TRIM49C: variants seen among roughly 807,000 people sequenced by gnomAD.
The protein encoded by TRIM49C is tripartite motif-containing protein 49C.
In TRIM49C, 6 loss-of-function variants were observed where a neutral mutation model predicts 21.4. The observed-to-expected ratio is 0.28, with a 90% CI of 0.15 to 0.55. TRIM49C has a LOEUF of 0.55. Among genes scored for constraint, TRIM49C ranks in the 20% least tolerant of loss-of-function variants. The pLI, the probability that TRIM49C is intolerant of heterozygous loss-of-function variation, is 0.94. For synonymous variants in TRIM49C, 57 were observed against 148.1 expected, an observed-to-expected ratio of 0.38 and a Z score of 4.47; for missense variants, 161 against 442.4, an observed-to-expected ratio of 0.36 and a Z score of 5.71.
rs540451668 is a variant in TRIM49C, at chr11:90,035,633, G to A, written c.411+11G>A. On this transcript the variant is annotated intron_variant, in intron 3 of 7. Transcript: ENST00000448984. ...GCTGAGGAACACCGGGTAAGTGATG[G>A]CTCTGAAGATCGATTTCTGTAAAGG... The A allele has an allele frequency of 2.2e-6, 3 of 1,355,270 alleles. 1 individual carries two copies. Among genetic ancestry groups the A allele is most frequent in the East Asian group, 2.6e-5 (1 of 38,756 alleles). The allele number at this position is 1,355,270 out of a possible 1,614,324, so 84.0% of individuals were successfully genotyped here.
chr11:90,063,112 C>A, the TRIM49C span: 1 of 677,034 alleles, frequency 1.5e-6, no homozygotes, highest in Non-Finnish European at 2.3e-6. Context: ...TGAGCTCTGT[C>A]CAACATGTCG....
chr11:90,047,478 ATAGT>A, the TRIM49C span, among the ~76,000 whole-genome samples: 3 of 113,856 alleles, frequency 2.6e-5, 1 homozygote, highest in East Asian at 5.5e-4. Flanking sequence ...TATATTTAAG[ATAGT>A]TAGCTCCTCT....
At chr11:90,069,889 A>T in the TRIM49C span, among the ~76,000 whole-genome samples, 1 of 106,342 alleles carries the variant, frequency 9.4e-6, no homozygotes, top group African/African-American at 3.8e-5. Context: ...AAGCTTCATT[A>T]CTTGTTTCTC....
rs1215478754 is a variant in TRIM49C at position 90,033,589 on chromosome 11, C to A, written c.-5+1007C>A. 1.5e-5 allele frequency among the ~76,000 whole-genome samples: 2 copies of A among 130,262 alleles called. 1 individual carries two copies. Among genetic ancestry groups the A allele is most frequent in the Non-Finnish European group, 3.3e-5 (2 of 61,002 alleles). The allele number at this position is 130,262 out of a possible 152,430, so 85.5% of individuals were successfully genotyped here. Reference sequence around the variant, plus strand: ...TAGGAACAATAGGCTATAGTGTATACCATAGGTGTAGTAGGCTATACCATC... The same window carrying A: ...TAGGAACAATAGGCTATAGTGTATAACATAGGTGTAGTAGGCTATACCATC... On this transcript the variant is annotated intron_variant, in intron 2 of 7. Transcript: ENST00000448984.
chr11:90,031,995 T>A (rs144176642), intron 1 of TRIM49C, among the ~76,000 whole-genome samples: 7,570 of 134,456 alleles, frequency 0.056, 1,149 homozygotes, highest in African/African-American at 0.19. Context: ...ATTAGCCAGG[T>A]GATATAGTGT....
the TRIM49C span, among the ~76,000 whole-genome samples, chr11:90,048,025 T>C: frequency 9.1e-6 from 1 of 110,462 alleles, no homozygotes; most frequent in Non-Finnish European, 1.8e-5. Flanking sequence ...CCTTCACTTA[T>C]GAAGCTTAGT....
chr11:90,031,177 G>A lies in TRIM49C; in HGVS notation c.-258G>A, dbSNP rs1424044246. 4 of 133,720 alleles carry A rather than the reference G, an allele frequency of 3.0e-5. 1 individual carries two copies. Among genetic ancestry groups the A allele is most frequent in the Middle Eastern group, 3.7e-3 (1 of 270 alleles). 8.3% of individuals were successfully genotyped at this position (133,720 alleles called of 1,614,324 possible). The stretch of plus-strand genomic sequence containing the variant: ...TCATGACCACTGGGATCCAGCCAGC[G>A]GGGGATTTCTTTTCCTGGTGGACTG... On this transcript the variant is annotated 5_prime_UTR_variant, in exon 1 of 8. Coordinates refer to ENST00000448984, the MANE Select transcript of TRIM49C (RefSeq NM_001195234.1).
chr11:90,031,643 A>T (rs1248487413), intron 1 of TRIM49C, among the ~76,000 whole-genome samples: 2 of 151,836 alleles, frequency 1.3e-5, no homozygotes, highest in African/African-American at 4.8e-5. Flanking sequence ...TATATGGAGA[A>T]AAACGTTAAA....
chr11:90,042,103 C>T (rs1346278493), downstream of TRIM49C: 1 of 133,618 alleles, frequency 7.5e-6, no homozygotes, highest in Non-Finnish European at 1.6e-5. Context: ...TTAGTGTGCT[C>T]GTCTACATTG....
intron 1 of TRIM49C, among the ~76,000 whole-genome samples, chr11:90,031,452 T>A (rs1950687233): frequency 7.3e-6 from 1 of 136,442 alleles, no homozygotes; most frequent in African/African-American, 2.6e-5. Flanking sequence ...TTCTGAAATC[T>A]CTTTTTTAAA....
the TRIM49C span, among the ~76,000 whole-genome samples, chr11:90,056,462 C>G: frequency 3.1e-5 from 3 of 97,552 alleles, no homozygotes; most frequent in African/African-American, 1.1e-4. Flanking sequence ...AAACCTAAGA[C>G]AATTGAAATC....
chr11:90,039,272 G>C (rs2388908), intron 6 of TRIM49C, among the ~76,000 whole-genome samples: 1 of 118,726 alleles, frequency 8.4e-6, no homozygotes, highest in Non-Finnish European at 1.7e-5. Flanking sequence ...TAAGAGTTTT[G>C]TTTTGTGAAT....
At chr11:90,065,629 C>A in the TRIM49C span, among the ~76,000 whole-genome samples, 5 of 141,022 alleles carry the variant, frequency 3.5e-5, no homozygotes, top group African/African-American at 1.3e-4. Context: ...GAATGAGACG[C>A]AAGAAAGTTG....
intron 6 of TRIM49C, among the ~76,000 whole-genome samples, chr11:90,039,260 G>T (rs1454699411): frequency 7.8e-6 from 1 of 127,822 alleles, no homozygotes; most frequent in Non-Finnish European, 1.6e-5. Flanking sequence ...ACAGGAGAAA[G>T]ATAAGAGTTT....
At chr11:90,063,039 C>T in the TRIM49C span, 7 of 1,412,384 alleles carry the variant, frequency 5.0e-6, no homozygotes, top group South Asian at 3.0e-5. Flanking sequence ...ATTTCTTTCT[C>T]TTATTTTTAT....
chr11:90,059,701 CA>C, the TRIM49C span, among the ~76,000 whole-genome samples: 2 of 95,286 alleles, frequency 2.1e-5, no homozygotes. Flanking sequence ...TTCACTGAGG[CA>C]AAAGTCTTTA....
the TRIM49C span, chr11:90,053,462 C>A: frequency 6.6e-6 from 1 of 152,392 alleles, no homozygotes; most frequent in African/African-American, 2.5e-5. Context: ...CACCCCACAC[C>A]GCACCAGCGT....
downstream of TRIM49C, among the ~76,000 whole-genome samples, chr11:90,043,111 AATAATGC>A: frequency 7.2e-6 from 1 of 139,356 alleles, no homozygotes; most frequent in South Asian, 2.5e-4. Flanking sequence ...CAAAATGTCA[AATAATGC>A]ATAAGGTAGT....
At chr11:90,045,844 G>A (rs1366714581), downstream of TRIM49C, among the ~76,000 whole-genome samples, 10 of 120,968 alleles carry the variant, frequency 8.3e-5, 3 homozygotes, top group Admixed American at 1.9e-4. Flanking sequence ...GAGTATCCCT[G>A]TCTTGCACCA....
Sources: gnomAD v4.1 joint callset for allele counts (sites outside exome capture counted in the v4.1 genomes callset) on GRCh38, gnomAD v4.1.1 for gene constraint, MANE v1.5 for transcripts, NCBI Gene and HGNC (gene_info 2026-07-23, HGNC 2026-07-21) for gene names.